Variants in HTR2C observed in about 807,000 individuals in gnomAD.
HTR2C encodes 5-hydroxytryptamine receptor 2C.
A neutral mutation model predicts 21.0 loss-of-function variants in HTR2C; 5 were observed. The ratio of observed to expected loss-of-function variants is 0.24; its 90% CI spans 0.12 to 0.50. The LOEUF is 0.50. HTR2C is among the 20% of genes least tolerant of loss of function. HTR2C has a pLI of 0.98. For missense variants in HTR2C, 271 were observed against 371.2 expected, an observed-to-expected ratio of 0.73 and a Z score of 2.22; for synonymous variants, 150 against 145.3, an observed-to-expected ratio of 1.03 and a Z score of -0.23.
intron 3 of HTR2C, among the ~76,000 whole-genome samples, chrX:114,727,184 A>G (rs1906380599): frequency 8.9e-6 from 1 of 112,331 alleles, no homozygotes; most frequent in African/African-American, 3.2e-5. Context: ...ACTTGAGCTC[A>G]TATACTTAAA....
intron 4 of HTR2C, among the ~76,000 whole-genome samples, chrX:114,791,437 C>A (rs782577662): frequency 6.0e-4 from 67 of 111,605 alleles, no homozygotes; most frequent in African/African-American, 2.0e-3. Context: ...AAGAGATAAT[C>A]CATTGCATTG....
intron 5 of HTR2C, among the ~76,000 whole-genome samples, chrX:114,869,735 T>C (rs1407059296): frequency 8.9e-6 from 1 of 112,217 alleles, no homozygotes; most frequent in Non-Finnish European, 1.9e-5. Context: ...ATCCTTGTTA[T>C]GTTCCAGACC....
intron 4 of HTR2C, among the ~76,000 whole-genome samples, chrX:114,841,984 C>A (rs994065021): frequency 9.0e-6 from 1 of 111,731 alleles, no homozygotes; most frequent in East Asian, 2.8e-4. Context: ...AAATAAGTAA[C>A]GTTAAAGTAA....
At chrX:114,679,347 C>T (rs923293566) in intron 2 of HTR2C, among the ~76,000 whole-genome samples, 3 of 110,497 alleles carry the variant, frequency 2.7e-5, no homozygotes, top group Non-Finnish European at 5.7e-5. Context: ...GGTGTGATTT[C>T]GGCTCACTGA....
At chrX:114,621,895 G>A (rs996906611) in intron 2 of HTR2C, among the ~76,000 whole-genome samples, 5 of 111,422 alleles carry the variant, frequency 4.5e-5, no homozygotes, top group Non-Finnish European at 9.4e-5. Context: ...AATGAGCAGT[G>A]GGGGATGCTA....
intron 2 of HTR2C, among the ~76,000 whole-genome samples, chrX:114,651,842 C>G (rs181822617): frequency 2.7e-5 from 3 of 111,619 alleles, no homozygotes; most frequent in Admixed American, 1.9e-4. Flanking sequence ...ACTGAAATTT[C>G]ACATGAATAG....
chrX:114,604,504 C>G (rs1037972171), intron 1 of HTR2C, among the ~76,000 whole-genome samples: 9 of 109,596 alleles, frequency 8.2e-5, no homozygotes, highest in Non-Finnish European at 1.1e-4. Context: ...GAGAGTTACC[C>G]GAAGCTCGGC....
intron 5 of HTR2C, among the ~76,000 whole-genome samples, chrX:114,887,234 A>G (rs991938214): frequency 9.0e-5 from 10 of 111,497 alleles, no homozygotes; most frequent in Non-Finnish European, 1.5e-4. Flanking sequence ...TTTTGTGTGA[A>G]GTTGTAATGC....
intron 2 of HTR2C, among the ~76,000 whole-genome samples, chrX:114,716,122 G>A (rs1248502974): frequency 8.9e-6 from 1 of 112,738 alleles, no homozygotes; most frequent in Non-Finnish European, 1.9e-5. Flanking sequence ...CTAACACTGA[G>A]ATAATTCCCA....
chrX:114,733,392 A>G (rs1297394764), intron 4 of HTR2C, among the ~76,000 whole-genome samples: 1 of 109,049 alleles, frequency 9.2e-6, no homozygotes, highest in Non-Finnish European at 1.9e-5. Flanking sequence ...CTTGGGCGAC[A>G]GAGCAATACT....
At position 114,849,710 on chromosome X, in the gene HTR2C, T is replaced by C. The variant is rs782344108; in HGVS notation, c.550+1507T>C. On this transcript the variant is annotated intron_variant, in intron 5 of 5. Coordinates refer to ENST00000276198, the MANE Select transcript of HTR2C (RefSeq NM_000868.4). Reference sequence around the variant, plus strand: ...GAATTCAGCCCTGGTTCAAGTCATCTATGTAAATGAGAGAAATCTTGGGCC... The same window carrying C: ...GAATTCAGCCCTGGTTCAAGTCATCCATGTAAATGAGAGAAATCTTGGGCC... Among the ~76,000 whole-genome samples the C allele has an allele frequency of 6.5e-3, 729 of 112,356 alleles. 2 individuals carry two copies. Among genetic ancestry groups the C allele is most frequent in the Non-Finnish European group, 0.01 (542 of 53,271 alleles).
At chrX:114,633,827 G>A (rs1556404750) in intron 2 of HTR2C, among the ~76,000 whole-genome samples, 1 of 108,582 alleles carries the variant, frequency 9.2e-6, no homozygotes, top group East Asian at 2.9e-4. Flanking sequence ...ATGTGTGTGT[G>A]TGTGCATGTA....
intron 4 of HTR2C, among the ~76,000 whole-genome samples, chrX:114,758,611 G>T (rs186694498): frequency 1.5e-3 from 166 of 111,324 alleles, no homozygotes; most frequent in Middle Eastern, 4.6e-3. Flanking sequence ...AAAATATATG[G>T]TTTTTTCTGA....
chrX:114,829,104 G>A lies in HTR2C; in HGVS notation c.350-18899G>A, dbSNP rs896892874. ...AGGTCATATGGTAATTCCGTGTTTG[G>A]CTTTTAAAGGAACTAACAAGCTGTT... is the stretch of plus-strand genomic sequence containing the variant. On this transcript the variant is annotated intron_variant, in intron 4 of 5. Transcript: ENST00000276198. 1.5e-4 allele frequency among the ~76,000 whole-genome samples: 17 copies of A among 111,503 alleles called. No individual in the cohort carries two copies. The East Asian group carries it at 4.8e-3, about 32-fold the overall frequency.
chrX:114,631,941 C>A (rs970471867), intron 2 of HTR2C, among the ~76,000 whole-genome samples: 2 of 111,596 alleles, frequency 1.8e-5, no homozygotes, highest in Non-Finnish European at 3.8e-5. Context: ...ATTGGTAAAC[C>A]CTTTGAAAGG....
At chrX:114,644,706 A>C (rs2147829247) in intron 2 of HTR2C, among the ~76,000 whole-genome samples, 1 of 109,622 alleles carries the variant, frequency 9.1e-6, no homozygotes, top group South Asian at 3.9e-4. Flanking sequence ...TAATAAACTA[A>C]GTACTGCTAG....
intron 4 of HTR2C, among the ~76,000 whole-genome samples, chrX:114,754,242 T>G (rs1012566334): frequency 9.0e-6 from 1 of 111,606 alleles, no homozygotes; most frequent in Non-Finnish European, 1.9e-5. Context: ...TCAAATTTAT[T>G]TAATGCAATT....
intron 5 of HTR2C, among the ~76,000 whole-genome samples, chrX:114,856,618 G>A (rs2070964661): frequency 9.0e-6 from 1 of 110,661 alleles, no homozygotes; most frequent in African/African-American, 3.3e-5. Context: ...TGGTATCAAA[G>A]CAACCATCTT....
At chrX:114,761,722 A>T (rs140402277) in intron 4 of HTR2C, among the ~76,000 whole-genome samples, 1,571 of 108,996 alleles carry the variant, frequency 0.014, 32 homozygotes, top group Admixed American at 0.092. Context: ...TATTAAGCAC[A>T]GGCCTATAAA....
Sources: allele counts gnomAD v4.1 joint callset (sites outside exome capture counted in the v4.1 genomes callset), GRCh38; gene constraint gnomAD v4.1.1; transcripts MANE v1.5; gene names NCBI Gene and HGNC (gene_info 2026-07-23, HGNC 2026-07-21).